The following C11orf65 variants were observed in gnomAD, a reference collection of about 807,000 sequenced individuals.
C11orf65 encodes protein MFI.
A neutral mutation model predicts 35.3 loss-of-function variants in C11orf65; 38 were observed. The ratio of observed to expected loss-of-function variants is 1.08; its 90% CI spans 0.83 to 1.41. The LOEUF (loss-of-function observed/expected upper bound fraction) is 1.41, where lower values mean the gene tolerates loss of function less well. Among genes scored for constraint, C11orf65 ranks in the 40% most tolerant of loss-of-function variants. The probability of loss-of-function intolerance (pLI) is 0.00; values close to 1 mark genes in which losing one functional copy is unlikely to be tolerated. For missense variants in C11orf65, 370 were observed against 367.1 expected, an observed-to-expected ratio of 1.01 and a Z score of -0.06; for synonymous variants, 105 against 114.4, an observed-to-expected ratio of 0.92 and a Z score of 0.53.
rs730881381 is a variant in C11orf65 at position 108,319,980 on chromosome 11, A to G, written c.641-10909T>C. ...AAAGAAGTAGAAGGAACCAGTTACC[A>G]TGAATCATTGTACAATGCTCTACAA... On this transcript the variant is annotated intron_variant, in intron 6 of 6. Transcript: ENST00000525729. 6.2e-7 allele frequency: 1 copy of G among 1,612,572 alleles called. No homozygotes were observed.
At chr11:108,338,487 T>G (rs1363517639) in intron 2 of C11orf65, among the ~76,000 whole-genome samples, 5 of 152,138 alleles carry the variant, frequency 3.3e-5, no homozygotes, top group Non-Finnish European at 7.4e-5. Context: ...AGACCTCATC[T>G]CTACAAAAAA....
intron 2 of C11orf65, among the ~76,000 whole-genome samples, chr11:108,443,161 G>A (rs1056975201): frequency 6.6e-6 from 1 of 151,548 alleles, no homozygotes; most frequent in Non-Finnish European, 1.5e-5. Context: ...AACAAAAAAA[G>A]CAGGGGCTAC....
chr11:108,413,469 G>A (rs1401896619), intron 3 of C11orf65, among the ~76,000 whole-genome samples: 1 of 152,060 alleles, frequency 6.6e-6, no homozygotes, highest in Non-Finnish European at 1.5e-5. Context: ...GTCACCAGTA[G>A]AAAAAAGATA....
intron 2 of C11orf65, among the ~76,000 whole-genome samples, chr11:108,373,108 A>G (rs2091616128): frequency 6.6e-6 from 1 of 152,136 alleles, no homozygotes; most frequent in African/African-American, 2.4e-5. Flanking sequence ...AAAGAAAACT[A>G]AAGACCAATA....
intron 2 of C11orf65, among the ~76,000 whole-genome samples, chr11:108,364,223 T>G (rs1309961896): frequency 1.3e-5 from 2 of 152,226 alleles, no homozygotes; most frequent in East Asian, 3.8e-4. Context: ...AGCAAAAAAG[T>G]GTTCCAACCT....
intron 2 of C11orf65, among the ~76,000 whole-genome samples, chr11:108,371,420 T>C (rs1269761179): frequency 1.3e-5 from 2 of 152,238 alleles, no homozygotes; most frequent in Non-Finnish European, 2.9e-5. Context: ...ACTACTGTTC[T>C]ACCTTTTGTC....
At position 108,317,615 on chromosome 11, in the gene C11orf65, T is replaced by A. The variant is rs563193193; in HGVS notation, c.641-8544A>T. On this transcript the variant is annotated intron_variant, in intron 6 of 6. Coordinates refer to the C11orf65 transcript ENST00000525729. ...TTCTATGAATATAACAGGAGTTGTT[T>A]TATATATATATATATATATATATAT... 542 of 215,286 alleles carry A rather than the reference T, an allele frequency of 2.5e-3. 8 individuals carry two copies. Among genetic ancestry groups the A allele is most frequent in the African/African-American group, 0.018 (381 of 21,712 alleles). The allele number at this position is 215,286 out of a possible 1,614,324, so 13.3% of individuals were successfully genotyped here.
chr11:108,421,268 C>T (rs575089390), intron 3 of C11orf65, among the ~76,000 whole-genome samples: 3 of 152,218 alleles, frequency 2.0e-5, no homozygotes, highest in African/African-American at 7.2e-5. Flanking sequence ...GATTTTAAAT[C>T]CTATAAGCTG....
chr11:108,447,280 G>T (rs1285262390), intron 2 of C11orf65, among the ~76,000 whole-genome samples: 1 of 152,058 alleles, frequency 6.6e-6, no homozygotes, highest in Admixed American at 6.6e-5. Flanking sequence ...GCACCAAGCG[G>T]ACCTAATAGA....
At chr11:108,378,238 A>G (rs1310359663), downstream of C11orf65, among the ~76,000 whole-genome samples, 3 of 150,864 alleles carry the variant, frequency 2.0e-5, no homozygotes, top group Non-Finnish European at 4.5e-5. Flanking sequence ...CTATACTACA[A>G]GGCTACAGTA....
At chr11:108,402,398 A>C (rs1269881861) in intron 6 of C11orf65, among the ~76,000 whole-genome samples, 1 of 152,098 alleles carries the variant, frequency 6.6e-6, no homozygotes, top group Non-Finnish European at 1.5e-5. Context: ...TTAGTGCAAA[A>C]GACCTGGCAG....
chr11:108,335,940 ATTAACTATCTGTACTTATAAG>A lies in C11orf65; in HGVS notation c.227-669_227-649del, dbSNP rs771146489. ...GAAACACGGAAACTAGGAAGAGGAAATTAACTATCTGTACTTATAAGGTAACTATTTGTACTTCTGTTAGTT... is the reference window on the plus strand; with the variant it reads ...GAAACACGGAAACTAGGAAGAGGAAAGTAACTATTTGTACTTCTGTTAGTT... On this transcript the variant is annotated intron_variant, in intron 2 of 3. Transcript: ENST00000524755. 1 of 1,611,862 alleles carries A rather than the reference ATTAACTATCTGTACTTATAAG, an allele frequency of 6.2e-7. No homozygotes were observed.
At chr11:108,371,441 T>C (rs2091573320) in intron 2 of C11orf65, among the ~76,000 whole-genome samples, 1 of 152,234 alleles carries the variant, frequency 6.6e-6, no homozygotes. Flanking sequence ...TCTCTGCATT[T>C]GACATTCAAG....
intron 2 of C11orf65, among the ~76,000 whole-genome samples, chr11:108,342,234 G>A (rs1024924267): frequency 6.6e-6 from 1 of 152,104 alleles, no homozygotes; most frequent in East Asian, 1.9e-4. Flanking sequence ...ATGTTCACGA[G>A]TAGTTTATTT....
chr11:108,332,094 A>T (rs2086323727), intron 3 of C11orf65: 1 of 1,593,986 alleles, frequency 6.3e-7, no homozygotes. Context: ...CTTTCCTAGA[A>T]TATTTCTTTT....
intron 3 of C11orf65, among the ~76,000 whole-genome samples, chr11:108,420,755 C>T (rs1256541915): frequency 6.6e-6 from 1 of 152,076 alleles, no homozygotes; most frequent in Non-Finnish European, 1.5e-5. Context: ...TCTCGATCAA[C>T]ATTCCAACAG....
At chr11:108,379,296 C>G (rs2091811211), downstream of C11orf65, among the ~76,000 whole-genome samples, 1 of 152,028 alleles carries the variant, frequency 6.6e-6, no homozygotes, top group Non-Finnish European at 1.5e-5. Context: ...ACTATGCAGC[C>G]ATAAAAAATG....
intron 1 of C11orf65, among the ~76,000 whole-genome samples, chr11:108,464,861 A>T (rs929802573): frequency 2.0e-5 from 3 of 151,948 alleles, no homozygotes; most frequent in Non-Finnish European, 2.9e-5. Context: ...TAACTTCATT[A>T]AAAAAAACAG....
At chr11:108,332,569 C>G (rs1228585465) in intron 3 of C11orf65, among the ~76,000 whole-genome samples, 3 of 152,078 alleles carry the variant, frequency 2.0e-5, no homozygotes, top group Non-Finnish European at 4.4e-5. Context: ...TTGAAAGGCA[C>G]CTAAGTCATT....
Sources: gnomAD v4.1 joint callset for allele counts (sites outside exome capture counted in the v4.1 genomes callset) on GRCh38, gnomAD v4.1.1 for gene constraint, MANE v1.5 for transcripts, NCBI Gene and HGNC (gene_info 2026-07-23, HGNC 2026-07-21) for gene names.